The following ACACB variants were observed in gnomAD, a reference collection of about 807,000 sequenced individuals.
The protein encoded by ACACB is acetyl-CoA carboxylase 2.
A neutral mutation model predicts 278.8 loss-of-function variants in ACACB; 209 were observed. That is an observed-to-expected ratio of 0.75 (90% CI 0.67 to 0.84). The LOEUF (loss-of-function observed/expected upper bound fraction) is 0.84. Ranked by LOEUF, ACACB falls within the 40% of genes least tolerant of loss-of-function variation. The pLI is 0.00. For synonymous variants in ACACB, 1,174 were observed against 1,285.6 expected, an observed-to-expected ratio of 0.91 and a Z score of 1.86; for missense variants, 2,850 against 3,269.0, an observed-to-expected ratio of 0.87 and a Z score of 3.13.
intron 2 of ACACB, among the ~76,000 whole-genome samples, chr12:109,161,411 C>T (rs556550054): frequency 1.6e-4 from 24 of 152,086 alleles, no homozygotes; most frequent in East Asian, 1.9e-4. Flanking sequence ...GACATGGTGG[C>T]GGGCACCTGT....
intron 47 of ACACB, chr12:109,260,143 T>G (rs1593732358): frequency 1.1e-5 from 15 of 1,395,306 alleles, no homozygotes; most frequent in Non-Finnish European, 1.4e-5. Flanking sequence ...GAAGGATCAG[T>G]GTGACTGTTA....
At chr12:109,140,104 T>A in intron 2 of ACACB, 46 bp downstream of exon 2, 1 of 1,528,584 alleles carries the variant, frequency 6.5e-7, no homozygotes, top group Non-Finnish European at 8.7e-7. Context: ...AGAGTTCAGG[T>A]GGGGTCCACA....
intron 16 of ACACB, among the ~76,000 whole-genome samples, chr12:109,194,325 A>G (rs1203867994): frequency 6.6e-6 from 1 of 152,124 alleles, no homozygotes; most frequent in African/African-American, 2.4e-5. Context: ...CCTCCTGAGT[A>G]GCCGAGATTA....
chr12:109,236,112 ACATGC>A, intron 33 of ACACB: 1 of 157,760 alleles, frequency 6.3e-6, no homozygotes, highest in Non-Finnish European at 1.4e-5. Context: ...GACTATAGGC[ACATGC>A]CACCGTGCCT....
At chr12:109,152,706 G>A (rs896012067) in intron 2 of ACACB, among the ~76,000 whole-genome samples, 16 of 139,142 alleles carry the variant, frequency 1.1e-4, no homozygotes, top group African/African-American at 3.5e-4. Flanking sequence ...GGAGTGTAGC[G>A]AGATCATGGC....
chr12:109,173,399 G>A (rs2044181493), intron 6 of ACACB, among the ~76,000 whole-genome samples: 1 of 152,236 alleles, frequency 6.6e-6, no homozygotes, highest in Non-Finnish European at 1.5e-5. Context: ...TTGCCCAAAT[G>A]TGAAGCAACT....
chr12:109,256,940 GA>G (rs1407069703), intron 45 of ACACB, among the ~76,000 whole-genome samples: 1 of 152,178 alleles, frequency 6.6e-6, no homozygotes, highest in African/African-American at 2.4e-5. Context: ...CCATAAGTGG[GA>G]ATGGCTGCTA....
chr12:109,185,673 C>T lies in ACACB; in HGVS notation c.1913C>T (p.Pro638Leu). The change falls in exon 12 of 53, where the codon CCC (proline) becomes CTC (leucine). Residue 638 changes from proline to leucine, a missense_variant. Physicochemically the swap from Pro to Leu is moderately conservative, Grantham distance 98 (BLOSUM62 -3). This residue lies in a region of ACACB where 2,265 missense variants were observed against 2,561.3 expected (regional missense o/e 0.88). Transcript: ENST00000338432. ...WGVTPISFETPSNPPLARGHV... is the reference protein window; with the variant it reads ...WGVTPISFETLSNPPLARGHV... ...GTGACTCCCATTTCTTTTGAAACCC[C>T]CTCAAACCCTCCCCTCGCCCGAGGC... 2.5e-6 allele frequency: 4 copies of T among 1,613,892 alleles called. No individual in the cohort carries two copies. The highest frequency in any genetic ancestry group is 1.7e-5 in the Admixed American group (1 of 59,990).
rs113239494 is a variant in ACACB at position 109,220,533 on chromosome 12, GTGT to G, written c.3565-1951_3565-1949del. On this transcript the variant is annotated intron_variant, in intron 24 of 52. Transcript: ENST00000338432. ...ACAAAGTTAACAAGAAAGAAAAATGGTGTTGTTGTTGTTGTTGTTGTTGTTTGT... is the reference window on the plus strand; with the variant it reads ...ACAAAGTTAACAAGAAAGAAAAATGGTGTTGTTGTTGTTGTTGTTGTTTGT... Among the ~76,000 whole-genome samples, 349 of 152,086 alleles carry G rather than the reference GTGT, an allele frequency of 2.3e-3. 1 individual carries two copies. Among genetic ancestry groups the G allele is most frequent in the Middle Eastern group, 3.4e-3 (1 of 294 alleles).
At chr12:109,220,699 G>A (rs745787920) in intron 24 of ACACB, among the ~76,000 whole-genome samples, 4 of 152,024 alleles carry the variant, frequency 2.6e-5, no homozygotes, top group Non-Finnish European at 5.9e-5. Flanking sequence ...CTACAGGCAC[G>A]TACCACCACA....
chr12:109,185,815 G>C, intron 12 of ACACB, 75 bp downstream of exon 12: 1 of 1,450,436 alleles, frequency 6.9e-7, no homozygotes, highest in Non-Finnish European at 9.2e-7. Context: ...TGTTAGCCTG[G>C]GAAGAGACAC....
At chr12:109,119,406 A>G (rs1464700081) in intron 1 of ACACB, among the ~76,000 whole-genome samples, 1 of 151,846 alleles carries the variant, frequency 6.6e-6, no homozygotes, top group Non-Finnish European at 1.5e-5. Context: ...CCTGGCCAAC[A>G]TGGTGAAACC....
intron 1 of ACACB, among the ~76,000 whole-genome samples, chr12:109,121,900 A>T (rs1368408876): frequency 6.6e-6 from 1 of 152,214 alleles, no homozygotes; most frequent in Non-Finnish European, 1.5e-5. Flanking sequence ...GAATGCAGAG[A>T]GTCAGGTCAG....
intron 45 of ACACB, 76 bp from the exon 46 acceptor site, chr12:109,258,192 C>A: frequency 1.9e-6 from 2 of 1,062,336 alleles, no homozygotes; most frequent in Non-Finnish European, 1.4e-6. Flanking sequence ...CACGTGCCCT[C>A]ACCCCCACAC....
intron 33 of ACACB, 100 bp from the exon 34 acceptor site, chr12:109,237,065 C>CCA: frequency 8.3e-7 from 1 of 1,203,424 alleles, no homozygotes; most frequent in South Asian, 1.3e-5. Context: ...CCCATGGACA[C>CCA]CAGGGGTCTG....
At position 109,242,478 on chromosome 12, in the gene ACACB, C is replaced by T. The variant is rs764448953; in HGVS notation, c.5064C>T (p.His1688=). The T allele has an allele frequency of 2.9e-5, 47 of 1,613,952 alleles. No individual in the cohort carries two copies. The highest frequency in any genetic ancestry group is 6.7e-5 in the East Asian group (3 of 44,890). Residue 1688 remains histidine (H), a synonymous_variant, in exon 37 of 53, where the codon CAC becomes CAT. Coordinates refer to ENST00000338432, the MANE Select transcript of ACACB (RefSeq NM_001093.4). The stretch of plus-strand genomic sequence containing the variant: ...TCGGCAACAAGCAAGGGCCCCAGCA[C>T]GGGATGCTGATCAATACTCCCTACG... ...HSFGNKQGPQ[H]GMLINTPYVT...
At chr12:109,257,706 G>A (rs1179301392) in intron 45 of ACACB, among the ~76,000 whole-genome samples, 1 of 152,110 alleles carries the variant, frequency 6.6e-6, no homozygotes, top group African/African-American at 2.4e-5. Flanking sequence ...AAGTAGCTGG[G>A]ACTAGAGGTG....
chr12:109,265,644 T>C lies in ACACB; in HGVS notation c.7250+119T>C, dbSNP rs1247011717. On this transcript the variant is annotated intron_variant, in intron 52 of 52. Coordinates refer to ENST00000338432, the MANE Select transcript of ACACB (RefSeq NM_001093.4). ...CCCGCCACCCTGTGCAGTCTGGGGT[T>C]GTCCCCGCCCCCTCCCCGCTCCCCA... 3.9e-6 allele frequency: 5 copies of C among 1,291,092 alleles called. No individual in the cohort carries two copies. In the African/African-American group the frequency reaches 5.9e-5, roughly 15 times the overall value. 80.0% of individuals were successfully genotyped at this position (1,291,092 alleles called of 1,614,324 possible).
rs551457094 is a variant in ACACB at position 109,172,753 on chromosome 12, T to C, written c.1117+397T>C. Among the ~76,000 whole-genome samples, 6 of 152,298 alleles carry C rather than the reference T, an allele frequency of 3.9e-5. No homozygotes were observed. The East Asian group carries it at 9.6e-4, about 24-fold the overall frequency. ...CTAGTTCACCCATTGTGGAAAACAGTGAGGCAATTCCTCAAAGAGCCAAAA... is the reference window on the plus strand; with the variant it reads ...CTAGTTCACCCATTGTGGAAAACAGCGAGGCAATTCCTCAAAGAGCCAAAA... On this transcript the variant is annotated intron_variant, in intron 6 of 52. Coordinates refer to ENST00000338432, the MANE Select transcript of ACACB (RefSeq NM_001093.4).
Sources: gnomAD v4.1 joint callset for allele counts (sites outside exome capture counted in the v4.1 genomes callset) on GRCh38, gnomAD v4.1.1 for gene constraint, gnomAD v4.1.1 regional missense constraint, MANE v1.5 for transcripts, NCBI Gene and HGNC (gene_info 2026-07-23, HGNC 2026-07-21) for gene names.